Variants in LIPC observed in about 807,000 individuals in gnomAD.
LIPC encodes hepatic triacylglycerol lipase.
Under a neutral mutation model 50.7 loss-of-function variants are expected in LIPC, and 44 were observed. The ratio of observed to expected loss-of-function variants is 0.87; its 90% CI spans 0.68 to 1.11. The LOEUF (loss-of-function observed/expected upper bound fraction) is 1.11. LIPC is among the 50% of genes most tolerant of loss of function. LIPC has a pLI of 0.00. For synonymous variants in LIPC, 271 were observed against 256.4 expected (o/e 1.06, Z -0.54); for missense variants, 697 against 648.2 (o/e 1.08, Z -0.82).
At chr15:58,528,362 G>T (rs1481648933) in intron 1 of LIPC, among the ~76,000 whole-genome samples, 1 of 152,100 alleles carries the variant, frequency 6.6e-6, no homozygotes, top group African/African-American at 2.4e-5. Context: ...GCACATATCT[G>T]TCACTCATAA....
intron 1 of LIPC, among the ~76,000 whole-genome samples, chr15:58,516,127 C>T (rs1171109776): frequency 6.6e-6 from 1 of 152,014 alleles, no homozygotes; most frequent in Non-Finnish European, 1.5e-5. Context: ...TTGCTTGAAC[C>T]TTAAAGGTGC....
chr15:58,518,592 G>T (rs1411056973), intron 1 of LIPC, among the ~76,000 whole-genome samples: 1 of 152,200 alleles, frequency 6.6e-6, no homozygotes, highest in Non-Finnish European at 1.5e-5. Context: ...AACATTTCTG[G>T]AAGGCAACAC....
chr15:58,514,238 C>G (rs1363686160), intron 1 of LIPC, among the ~76,000 whole-genome samples: 1 of 152,184 alleles, frequency 6.6e-6, no homozygotes, highest in Non-Finnish European at 1.5e-5. Flanking sequence ...TAAGTCTTGG[C>G]TGAGCATCTG....
intron 1 of LIPC, among the ~76,000 whole-genome samples, chr15:58,464,598 A>T (rs1894470983): frequency 1.3e-5 from 2 of 152,094 alleles, no homozygotes; most frequent in South Asian, 4.1e-4. Flanking sequence ...CAATTTTCTA[A>T]CTCACCTTCA....
In LIPC at chr15:58,483,288, C is replaced by T. The variant is rs147357801; in HGVS notation, c.88+51168C>T. Among the ~76,000 whole-genome samples, 664 of 152,228 alleles carry T rather than the reference C, an allele frequency of 4.4e-3. 4 individuals carry two copies. The highest frequency in any genetic ancestry group is 0.018 in the South Asian group (85 of 4,816). ...AAAGTCACAGGGATTAAGAAATGAC[C>T]CTTGGTAACAAAAGTTACCAATGTA... On this transcript the variant is annotated intron_variant, in intron 1 of 8. Transcript: ENST00000299022.
intron 1 of LIPC, among the ~76,000 whole-genome samples, chr15:58,467,669 T>C (rs1463930044): frequency 6.6e-6 from 1 of 152,228 alleles, no homozygotes; most frequent in Non-Finnish European, 1.5e-5. Flanking sequence ...AGTGGCCCAT[T>C]CTCAAATGCA....
At chr15:58,487,103 A>G (rs1305989979) in intron 1 of LIPC, among the ~76,000 whole-genome samples, 5 of 152,232 alleles carry the variant, frequency 3.3e-5, no homozygotes, top group African/African-American at 7.2e-5. Flanking sequence ...AAATGCCTTT[A>G]TCTGGTAATC....
intron 7 of LIPC, among the ~76,000 whole-genome samples, chr15:58,562,627 C>A (rs1239422084): frequency 6.6e-6 from 1 of 152,196 alleles, no homozygotes; most frequent in Non-Finnish European, 1.5e-5. Flanking sequence ...AGCTTTGGAT[C>A]TCTGATCATC....
rs187151902 is a variant in LIPC, at chr15:58,560,181, G to A, written c.1052-683G>A. On this transcript the variant is annotated intron_variant, in intron 6 of 8. Transcript: ENST00000299022. ...CAGTAACTAAATGTAGACTGTATTA[G>A]GTAAAGAAGAATAAAATAAATTATC... Among the ~76,000 whole-genome samples, 159 of 152,286 alleles carry A rather than the reference G, an allele frequency of 1.0e-3. 1 individual carries two copies. The highest frequency in any genetic ancestry group is 3.6e-3 in the African/African-American group (148 of 41,562).
At chr15:58,438,664 C>G (rs1893396556) in intron 1 of LIPC, among the ~76,000 whole-genome samples, 1 of 152,186 alleles carries the variant, frequency 6.6e-6, no homozygotes, top group East Asian at 1.9e-4. Flanking sequence ...TCCAGTCACT[C>G]CAGCCCTGGA....
Position 58,552,039 on chromosome 15 carries a change from C to A in LIPC, c.1051+3467C>A, listed in dbSNP as rs151058229. On this transcript the variant is annotated intron_variant, in intron 6 of 8. Coordinates refer to ENST00000299022, the MANE Select transcript of LIPC (RefSeq NM_000236.3). ...TCCATTCTCACTCTCTCACAAGGAA[C>A]CTTTACCAGTTTGGGAGCCTGTTTT... is the stretch of plus-strand genomic sequence containing the variant. 2.9e-3 allele frequency among the ~76,000 whole-genome samples: 435 copies of A among 152,284 alleles called. 3 individuals carry two copies. The highest frequency in any genetic ancestry group is 9.9e-3 in the African/African-American group (413 of 41,566).
intron 8 of LIPC, among the ~76,000 whole-genome samples, chr15:58,564,749 GA>G (rs1210534352): frequency 1.3e-5 from 2 of 151,864 alleles, no homozygotes; most frequent in African/African-American, 4.8e-5. Flanking sequence ...AATAATAATA[GA>G]AAAGAAAAGG....
intron 2 of LIPC, among the ~76,000 whole-genome samples, chr15:58,539,082 T>C (rs979500782): frequency 6.6e-6 from 1 of 152,218 alleles, no homozygotes; most frequent in Admixed American, 6.5e-5. Flanking sequence ...TCTGCCATCT[T>C]GGGGTGTGAC....
At chr15:58,461,253 C>T (rs1421412240) in intron 1 of LIPC, among the ~76,000 whole-genome samples, 1 of 152,244 alleles carries the variant, frequency 6.6e-6, no homozygotes, top group Non-Finnish European at 1.5e-5. Flanking sequence ...TGCTCAACTA[C>T]CAATCCTCAC....
At chr15:58,458,172 GA>G (rs34752323) in intron 1 of LIPC, among the ~76,000 whole-genome samples, 129,805 of 149,916 alleles carry the variant, frequency 0.87, 56,340 homozygotes, top group South Asian at 0.93. Context: ...AATTGCTGGA[GA>G]AAAAAAAAAA....
chr15:58,474,584 A>G (rs1429069749), intron 1 of LIPC, among the ~76,000 whole-genome samples: 1 of 151,910 alleles, frequency 6.6e-6, no homozygotes, highest in African/African-American at 2.4e-5. Context: ...TGATGTAGGT[A>G]ATTTATCAGC....
intron 1 of LIPC, among the ~76,000 whole-genome samples, chr15:58,527,010 A>G (rs954618564): frequency 2.6e-5 from 4 of 152,088 alleles, no homozygotes; most frequent in East Asian, 1.9e-4. Flanking sequence ...ATTGCTCCCT[A>G]TGGCAACCTG....
In LIPC at chr15:58,548,502, C is replaced by G. The variant is rs142741286; in HGVS notation, c.981C>G (p.His327Gln). The change falls in exon 6 of 9, where the codon CAC becomes CAG. Residue 327 changes from histidine (H) to glutamine (Q), a missense_variant. Physicochemically the swap from His to Gln is conservative, Grantham distance 24. Transcript: ENST00000299022. ...KKGRCNTLGY[H>Q]VRQEPRSKSK... is the part of the protein sequence containing the mutation. ...GCCGCTGCAACACGCTGGGCTACCA[C>G]GTCCGCCAGGAGCCGCGGAGCAAGA... 2 of 1,607,096 alleles carry G rather than the reference C, an allele frequency of 1.2e-6. No individual in the cohort carries two copies. Among genetic ancestry groups the G allele is most frequent in the African/African-American group, 1.3e-5 (1 of 74,882 alleles).
At chr15:58,451,415 T>C (rs1163928226) in intron 1 of LIPC, among the ~76,000 whole-genome samples, 1 of 152,172 alleles carries the variant, frequency 6.6e-6, no homozygotes, top group Non-Finnish European at 1.5e-5. Context: ...AAAGTCACCA[T>C]GTTTCTTCAT....
Sources: allele counts gnomAD v4.1 joint callset (sites outside exome capture counted in the v4.1 genomes callset), GRCh38; gene constraint gnomAD v4.1.1; transcripts MANE v1.5; gene names NCBI Gene and HGNC (gene_info 2026-07-23, HGNC 2026-07-21).